SLC7A1: variants seen among roughly 807,000 people sequenced by gnomAD.
SLC7A1 encodes the protein high affinity cationic amino acid transporter 1.
Under a neutral mutation model 53.9 loss-of-function variants are expected in SLC7A1, and 10 were observed. The observed-to-expected ratio is 0.19, with a 90% CI of 0.11 to 0.31. The LOEUF (loss-of-function observed/expected upper bound fraction) is 0.31, where lower values mean the gene tolerates loss of function less well. SLC7A1 is among the 10% of genes least tolerant of loss of function. The pLI, the probability that SLC7A1 is intolerant of heterozygous loss-of-function variation, is 1.00. For missense variants in SLC7A1, 525 were observed against 827.2 expected, an observed-to-expected ratio of 0.63 and a Z score of 4.48; for synonymous variants, 342 against 338.7, an observed-to-expected ratio of 1.01 and a Z score of -0.11.
intron 1 of SLC7A1, among the ~76,000 whole-genome samples, chr13:29,568,323 T>G (rs908095924): frequency 1.3e-5 from 2 of 152,112 alleles, no homozygotes; most frequent in African/African-American, 4.8e-5. Context: ...TTTAGGCAAA[T>G]TTTTAAAAAA....
chr13:29,573,031 C>T (rs1450208186), intron 1 of SLC7A1, among the ~76,000 whole-genome samples: 1 of 152,048 alleles, frequency 6.6e-6, no homozygotes, highest in Non-Finnish European at 1.5e-5. Flanking sequence ...ATGCAGATAG[C>T]AAATAATCTA....
At chr13:29,594,172 C>A (rs1872213828) in intron 1 of SLC7A1, among the ~76,000 whole-genome samples, 1 of 152,214 alleles carries the variant, frequency 6.6e-6, no homozygotes, top group Non-Finnish European at 1.5e-5. Context: ...TAGGAAAAAT[C>A]CCAGATAAAT....
In SLC7A1 at chr13:29,516,028, T is replaced by A. The variant is rs574403891; in HGVS notation, c.1786+110A>T. The A allele has an allele frequency of 2.0e-5, 13 of 645,208 alleles. No individual in the cohort carries two copies. In the Admixed American group the frequency reaches 3.5e-4, roughly 17 times the overall value. 40.0% of individuals were successfully genotyped at this position (645,208 alleles called of 1,614,324 possible). A position where few individuals can be genotyped will look rare whatever the true frequency, so the allele number is the denominator to read the frequency against. ...AGCCTACCAGGGATTCAGCATTATC[T>A]TCGAGAAAGCTGCTGACTGGATGTG... is the stretch of plus-strand genomic sequence containing the variant. On this transcript the variant is annotated intron_variant, in intron 12 of 12. Coordinates refer to ENST00000380752, the MANE Select transcript of SLC7A1 (RefSeq NM_003045.5).
In SLC7A1 at chr13:29,516,035, A is replaced by AAGCTG; in HGVS notation, c.1786+98_1786+102dup. 6.0e-6 allele frequency: 4 copies of AAGCTG among 663,016 alleles called. No homozygotes were observed. In the South Asian group the frequency reaches 8.2e-5, roughly 14 times the overall value. The allele number at this position is 663,016 out of a possible 1,614,324, so 41.1% of individuals were successfully genotyped here. On this transcript the variant is annotated intron_variant, in intron 12 of 12. Transcript: ENST00000380752. ...CAGGGATTCAGCATTATCTTCGAGA[A>AAGCTG]AGCTGCTGACTGGATGTGCGTCATT... is the stretch of plus-strand genomic sequence containing the variant.
At chr13:29,541,497 G>A (rs34369885) in intron 2 of SLC7A1, among the ~76,000 whole-genome samples, 10,610 of 152,198 alleles carry the variant, frequency 0.07, 453 homozygotes, top group Middle Eastern at 0.14. Context: ...TTCTCCTGTC[G>A]TCAGAAGCCA....
In SLC7A1 at chr13:29,589,931, T is replaced by C. The variant is rs578138833; in HGVS notation, c.-115+5485A>G. 1.1e-3 allele frequency among the ~76,000 whole-genome samples: 163 copies of C among 152,226 alleles called. 1 individual carries two copies. The highest frequency in any genetic ancestry group is 9.4e-4 in the Non-Finnish European group (64 of 68,002). On this transcript the variant is annotated intron_variant, in intron 1 of 12. Transcript: ENST00000380752. ...TGGTTAGGAAGATTCAAATGAAACA[T>C]AGATAAAGCGCAGAGTACATGGTGA...
rs745855245 is a variant in SLC7A1 at position 29,559,720 on chromosome 13, CT to C, written c.-114-5861del. On this transcript the variant is annotated intron_variant, in intron 1 of 12. Transcript: ENST00000380752. ...TTACTTTACAAACTTTTTTGTAACT[CT>C]TTTTTTTTTTTTGAGATGGAGTCTC... 3.2e-3 allele frequency among the ~76,000 whole-genome samples: 472 copies of C among 145,520 alleles called. 1 individual carries two copies. The highest frequency in any genetic ancestry group is 6.4e-3 in the African/African-American group (255 of 39,992).
At chr13:29,568,122 G>C (rs1358365681) in intron 1 of SLC7A1, among the ~76,000 whole-genome samples, 1 of 152,156 alleles carries the variant, frequency 6.6e-6, no homozygotes, top group African/African-American at 2.4e-5. Context: ...TTTCATCAAT[G>C]TGAAATGCTC....
chr13:29,584,118 T>A, intron 1 of SLC7A1, among the ~76,000 whole-genome samples: 1 of 110,616 alleles, frequency 9.0e-6, no homozygotes, highest in Middle Eastern at 4.6e-3. Context: ...ACTTTTTTTT[T>A]CTTTTTTTTT....
At chr13:29,587,971 CCT>C (rs1455785888) in intron 1 of SLC7A1, among the ~76,000 whole-genome samples, 12 of 152,332 alleles carry the variant, frequency 7.9e-5, no homozygotes, top group African/African-American at 2.4e-4. Context: ...GATCACTCAG[CCT>C]CTGAGCTGGA....
intron 2 of SLC7A1, among the ~76,000 whole-genome samples, chr13:29,538,881 G>C (rs1869542555): frequency 6.6e-6 from 1 of 152,128 alleles, no homozygotes; most frequent in African/African-American, 2.4e-5. Flanking sequence ...GCCTTGAAGA[G>C]AAACAGGGTG....
At chr13:29,549,979 A>C (rs1870100678) in intron 2 of SLC7A1, among the ~76,000 whole-genome samples, 1 of 152,142 alleles carries the variant, frequency 6.6e-6, no homozygotes, top group Non-Finnish European at 1.5e-5. Context: ...ATTGTTTTTT[A>C]AGGAATTCTT....
chr13:29,514,085 T>C lies in SLC7A1; in HGVS notation c.*395A>G. The C allele has an allele frequency of 5.0e-6, 1 of 199,616 alleles. No individual in the cohort carries two copies. The highest frequency in any genetic ancestry group is 1.0e-5 in the Non-Finnish European group (1 of 96,996). 12.4% of individuals were successfully genotyped at this position (199,616 alleles called of 1,614,324 possible). A position where few individuals can be genotyped will look rare whatever the true frequency, so the allele number is the denominator to read the frequency against. ...AAGATGGCTGCGAAAGTTTGGAGTATGCACAATTTCAATCCCAGAACAGTC... is the reference window on the plus strand; with the variant it reads ...AAGATGGCTGCGAAAGTTTGGAGTACGCACAATTTCAATCCCAGAACAGTC... On this transcript the variant is annotated 3_prime_UTR_variant, in exon 13 of 13. Transcript: ENST00000380752.
chr13:29,573,042 T>A (rs73454213), intron 1 of SLC7A1, among the ~76,000 whole-genome samples: 2,008 of 152,238 alleles, frequency 0.013, 48 homozygotes, highest in African/African-American at 0.046. Flanking sequence ...AAATAATCTA[T>A]CCTGGAGAGA....
intron 11 of SLC7A1, 27 bp downstream of exon 11, chr13:29,517,117 G>C (rs1365814809): frequency 1.3e-6 from 2 of 1,562,974 alleles, no homozygotes; most frequent in Non-Finnish European, 1.7e-6. Flanking sequence ...GTGTACCAGG[G>C]TTCCTTCCCT....
At position 29,523,322 on chromosome 13, in the gene SLC7A1, G is replaced by A. The variant is rs1433545092; in HGVS notation, c.993C>T (p.Gly331=). 1 of 1,613,700 alleles carries A rather than the reference G, an allele frequency of 6.2e-7. No individual in the cohort carries two copies. Among genetic ancestry groups the A allele is most frequent in the African/African-American group, 1.3e-5 (1 of 74,900 alleles). ...SPLPDAFKHV[G]WEGAKYAVAV... ...CCACTGCGTACTTGGCACCTTCCCAGCCCACGTGCTTAAAGGCGTCGGGCA... is the reference window on the plus strand; with the variant it reads ...CCACTGCGTACTTGGCACCTTCCCAACCCACGTGCTTAAAGGCGTCGGGCA... Residue 331 remains glycine, a synonymous_variant, in exon 7 of 13, where the codon GGC becomes GGT. Transcript: ENST00000380752.
chr13:29,539,338 T>C (rs536040612), intron 2 of SLC7A1, among the ~76,000 whole-genome samples: 1 of 152,122 alleles, frequency 6.6e-6, no homozygotes, highest in East Asian at 1.9e-4. Context: ...GCTGCTCGCA[T>C]AAGAGGACAA....
chr13:29,577,392 C>T lies in SLC7A1; in HGVS notation c.-115+18024G>A, dbSNP rs117975246. 9.2e-3 allele frequency among the ~76,000 whole-genome samples: 1,399 copies of T among 152,314 alleles called. 11 individuals are homozygous for T. The highest frequency in any genetic ancestry group is 0.02 in the Middle Eastern group (6 of 294). Reference sequence around the variant, plus strand: ...AAATACACGAGTCAGCTCCAAGTACCTCGCTGGTGAGGGGGTTGGTGAGGC... The same window carrying T: ...AAATACACGAGTCAGCTCCAAGTACTTCGCTGGTGAGGGGGTTGGTGAGGC... On this transcript the variant is annotated intron_variant, in intron 1 of 12. Coordinates refer to ENST00000380752, the MANE Select transcript of SLC7A1 (RefSeq NM_003045.5).
At chr13:29,573,765 C>A (rs1031396266) in intron 1 of SLC7A1, among the ~76,000 whole-genome samples, 1 of 152,158 alleles carries the variant, frequency 6.6e-6, no homozygotes, top group Non-Finnish European at 1.5e-5. Flanking sequence ...AAAAAAGTAT[C>A]CATTGCTTAT....
Sources: gnomAD v4.1 joint callset for allele counts (sites outside exome capture counted in the v4.1 genomes callset) on GRCh38, gnomAD v4.1.1 for gene constraint, MANE v1.5 for transcripts, NCBI Gene and HGNC (gene_info 2026-07-23, HGNC 2026-07-21) for gene names.